SPIN1: variants seen among roughly 807,000 people sequenced by gnomAD.
The protein encoded by SPIN1 is spindlin-1.
In SPIN1, 3 loss-of-function variants were observed where a neutral mutation model predicts 26.0. The ratio of observed to expected loss-of-function variants is 0.12; its 90% confidence interval spans 0.05 to 0.30. The LOEUF is 0.30. SPIN1 is among the 10% of genes least tolerant of loss of function. The pLI is 1.00. For missense variants in SPIN1, 126 were observed against 333.4 expected (o/e 0.38, Z 4.84); for synonymous variants, 101 against 116.5 (o/e 0.87, Z 0.86).
chr9:88,472,505 A>T (rs1313388513), intron 5 of SPIN1, among the ~76,000 whole-genome samples: 1 of 151,562 alleles, frequency 6.6e-6, no homozygotes, highest in Non-Finnish European at 1.5e-5. Flanking sequence ...TTATTTATTT[A>T]TTTTTTGAGA....
At chr9:88,422,971 A>T (rs1587788797) in intron 1 of SPIN1, among the ~76,000 whole-genome samples, 1 of 151,834 alleles carries the variant, frequency 6.6e-6, no homozygotes, top group Non-Finnish European at 1.5e-5. Flanking sequence ...GGCCTCCCAA[A>T]ATGCTGGGAT....
intron 1 of SPIN1, among the ~76,000 whole-genome samples, chr9:88,392,930 A>G (rs1400793290): frequency 6.6e-6 from 1 of 152,010 alleles, no homozygotes; most frequent in Non-Finnish European, 1.5e-5. Context: ...GTTGGTGTTG[A>G]ATTTGTAGGC....
At chr9:88,414,497 A>G (rs752145471) in intron 1 of SPIN1, among the ~76,000 whole-genome samples, 3 of 152,112 alleles carry the variant, frequency 2.0e-5, no homozygotes, top group South Asian at 2.1e-4. Context: ...ACAGTCAGCA[A>G]TTCTGTTTTC....
At chr9:88,471,378 G>T (rs1300911377) in intron 5 of SPIN1, among the ~76,000 whole-genome samples, 4 of 151,734 alleles carry the variant, frequency 2.6e-5, no homozygotes, top group African/African-American at 9.7e-5. Flanking sequence ...AATGGTTTTG[G>T]CATCCTTGTT....
intron 1 of SPIN1, among the ~76,000 whole-genome samples, chr9:88,393,929 C>T (rs1419403552): frequency 1.3e-5 from 2 of 152,076 alleles, no homozygotes; most frequent in African/African-American, 2.4e-5. Context: ...CTTACTACAA[C>T]CTCCGCCTCC....
intron 1 of SPIN1, chr9:88,410,891 G>C (rs1329813034): frequency 2.0e-6 from 2 of 978,214 alleles, no homozygotes; most frequent in African/African-American, 1.6e-5. Context: ...TCTTTGGCTG[G>C]ATGAAGCACT....
intron 2 of SPIN1, among the ~76,000 whole-genome samples, chr9:88,447,020 C>G (rs147794827): frequency 1.4e-3 from 213 of 152,212 alleles, no homozygotes; most frequent in African/African-American, 5.0e-3. Flanking sequence ...CCTCTCTCTG[C>G]TCTTTGTCTT....
chr9:88,399,913 A>G (rs1221920475), intron 1 of SPIN1, among the ~76,000 whole-genome samples: 2 of 152,192 alleles, frequency 1.3e-5, no homozygotes, highest in African/African-American at 2.4e-5. Context: ...GTAATTCCTA[A>G]TTTGTGGGTG....
chr9:88,465,114 G>T (rs542404768), intron 4 of SPIN1, among the ~76,000 whole-genome samples: 1 of 152,280 alleles, frequency 6.6e-6, no homozygotes, highest in South Asian at 2.1e-4. Context: ...ACATTCCATT[G>T]TATCTATATA....
chr9:88,442,307 C>G (rs914974565), intron 2 of SPIN1, among the ~76,000 whole-genome samples: 2 of 151,716 alleles, frequency 1.3e-5, no homozygotes, highest in Non-Finnish European at 2.9e-5. Context: ...ATAGTTCCCT[C>G]TACTATCTTC....
At chr9:88,438,631 T>C (rs1828056253) in intron 2 of SPIN1, among the ~76,000 whole-genome samples, 1 of 152,220 alleles carries the variant, frequency 6.6e-6, no homozygotes, top group Non-Finnish European at 1.5e-5. Context: ...ATCTATATCC[T>C]TACTGATTTT....
intron 2 of SPIN1, among the ~76,000 whole-genome samples, chr9:88,444,363 C>T (rs1828201442): frequency 6.6e-6 from 1 of 151,236 alleles, no homozygotes. Context: ...GCCTCAGCCT[C>T]CCAAGTAGCT....
At chr9:88,397,715 A>G (rs1360189564) in intron 1 of SPIN1, among the ~76,000 whole-genome samples, 1 of 151,066 alleles carries the variant, frequency 6.6e-6, no homozygotes, top group Admixed American at 6.6e-5. Flanking sequence ...TCCACTTCCC[A>G]GGTTCTAGCA....
chr9:88,475,339 G>T lies in SPIN1; in HGVS notation c.*62G>T, dbSNP rs1375317712. On this transcript the variant is annotated 3_prime_UTR_variant, in exon 6 of 6. Transcript: ENST00000375859. Reference sequence around the variant, plus strand: ...GAAATGTATTATTTGTAGACATAAAGACTTGATTGCTTTCCAGTTTAATGA... The same window carrying T: ...GAAATGTATTATTTGTAGACATAAATACTTGATTGCTTTCCAGTTTAATGA... The T allele has an allele frequency of 5.2e-6, 8 of 1,526,234 alleles. No individual in the cohort carries two copies. Among genetic ancestry groups the T allele is most frequent in the Non-Finnish European group, 7.2e-6 (8 of 1,114,450 alleles). The allele number at this position is 1,526,234 out of a possible 1,614,324, so 94.5% of individuals were successfully genotyped here.
chr9:88,443,976 A>C (rs1212408725), intron 2 of SPIN1, among the ~76,000 whole-genome samples: 1 of 151,886 alleles, frequency 6.6e-6, no homozygotes, highest in Non-Finnish European at 1.5e-5. Context: ...TTTTCTTACC[A>C]TGGCCCTGGT....
At chr9:88,433,010 A>C (rs1426915190) in intron 2 of SPIN1, among the ~76,000 whole-genome samples, 1 of 151,376 alleles carries the variant, frequency 6.6e-6, no homozygotes, top group Non-Finnish European at 1.5e-5. Flanking sequence ...GTACCACTGC[A>C]TCCAGCTTTT....
In SPIN1 at chr9:88,462,623, C is replaced by T. The variant is rs774092722; in HGVS notation, c.229C>T (p.Leu77=). ...GPVTQWKGTV[L]DQVPVNPSLY... ...TGTTACCCAGTGGAAAGGAACCGTT[C>T]TGGACCAGGTGCCTGTAAATCCTTC... The change falls in exon 4 of 6, where the codon CTG becomes TTG. Residue 77 remains leucine (L), a synonymous_variant. Transcript: ENST00000375859. 140 of 1,614,048 alleles carry T rather than the reference C, an allele frequency of 8.7e-5. No homozygotes were observed. The highest frequency in any genetic ancestry group is 1.2e-4 in the Non-Finnish European group (136 of 1,180,028).
At chr9:88,442,922 C>A (rs1033398645) in intron 2 of SPIN1, among the ~76,000 whole-genome samples, 1 of 151,512 alleles carries the variant, frequency 6.6e-6, no homozygotes, top group Non-Finnish European at 1.5e-5. Context: ...GAGTTCAAGA[C>A]CAGCCTGACC....
At chr9:88,389,734 TG>T (rs1169077646) in intron 1 of SPIN1, among the ~76,000 whole-genome samples, 1 of 152,234 alleles carries the variant, frequency 6.6e-6, no homozygotes, top group Non-Finnish European at 1.5e-5. Flanking sequence ...TGGAATTTTC[TG>T]GAAGGAATTC....
Sources: gnomAD v4.1 joint callset for allele counts (sites outside exome capture counted in the v4.1 genomes callset) on GRCh38, gnomAD v4.1.1 for gene constraint, MANE v1.5 for transcripts, NCBI Gene and HGNC (gene_info 2026-07-23, HGNC 2026-07-21) for gene names.